ANKIB1: variants seen among roughly 807,000 people sequenced by gnomAD.
The protein encoded by ANKIB1 is ankyrin repeat and IBR domain-containing protein 1.
ANKIB1 carries 43 observed loss-of-function variants against 122.1 expected under a neutral mutation model. The ratio of observed to expected loss-of-function variants is 0.35; its 90% CI spans 0.28 to 0.45. The LOEUF is 0.45. Among genes scored for constraint, ANKIB1 ranks in the 20% least tolerant of loss-of-function variants. ANKIB1 has a pLI of 1.00. For missense variants in ANKIB1, 992 were observed against 1,329.5 expected (o/e 0.75, Z 3.95); for synonymous variants, 390 against 442.0 (o/e 0.88, Z 1.48).
intron 15 of ANKIB1, among the ~76,000 whole-genome samples, chr7:92,390,728 C>T (rs1296401473): frequency 2.0e-5 from 3 of 152,204 alleles, no homozygotes; most frequent in Non-Finnish European, 4.4e-5. Flanking sequence ...CCACACTTGA[C>T]CCCAATCACT....
At chr7:92,275,478 C>G (rs1480085868) in intron 1 of ANKIB1, among the ~76,000 whole-genome samples, 2 of 152,122 alleles carry the variant, frequency 1.3e-5, no homozygotes, top group Non-Finnish European at 2.9e-5. Context: ...GTAACAATGT[C>G]TGGAAAACAC....
intron 17 of ANKIB1, among the ~76,000 whole-genome samples, chr7:92,393,836 G>T (rs894387412): frequency 1.4e-4 from 21 of 152,130 alleles, no homozygotes; most frequent in Non-Finnish European, 2.6e-4. Context: ...TTCAAATTCT[G>T]CATGTGTATG....
intron 10 of ANKIB1, among the ~76,000 whole-genome samples, 188 bp downstream of exon 10, chr7:92,362,461 A>G (rs1446984379): frequency 6.6e-6 from 1 of 152,186 alleles, no homozygotes; most frequent in East Asian, 1.9e-4. Flanking sequence ...GCAAGGAGGA[A>G]TCATGGACAA....
chr7:92,391,195 T>C lies in ANKIB1; in HGVS notation c.2082T>C (p.Leu694=). Residue 694 remains leucine, a synonymous_variant, in exon 16 of 20, where the codon CTT becomes CTC. Transcript: ENST00000265742. ...QTDLEMVTED[L]AQKVNRPYLR... ...ACCTAGAAATGGTCACTGAAGACCT[T>C]GCCCAGAAAGTCAATAGGCCTTACC... The C allele has an allele frequency of 6.2e-7, 1 of 1,612,940 alleles. No individual in the cohort carries two copies. Among genetic ancestry groups the C allele is most frequent in the East Asian group, 2.2e-5 (1 of 44,838 alleles).
At chr7:92,289,896 A>G (rs1009126779) in intron 1 of ANKIB1, among the ~76,000 whole-genome samples, 1 of 152,152 alleles carries the variant, frequency 6.6e-6, no homozygotes, top group African/African-American at 2.4e-5. Flanking sequence ...GGCTCACTGC[A>G]ACTTCCACCT....
chr7:92,344,590 T>C (rs953761015), intron 6 of ANKIB1, among the ~76,000 whole-genome samples: 24 of 152,162 alleles, frequency 1.6e-4, no homozygotes, highest in Non-Finnish European at 2.9e-5. Context: ...GTTACTCTGT[T>C]TTCATAGATT....
In ANKIB1 at chr7:92,399,146, ATTGAATAGC is replaced by A. The variant is rs1444793138; in HGVS notation, c.*200_*208del. On this transcript the variant is annotated 3_prime_UTR_variant, in exon 20 of 20. Transcript: ENST00000265742. ...TTACAGGGAATTTCCTTTGTACTTA[ATTGAATAGC>A]TTTTCCCCTTTTTGCTGACAAAAAG... is the stretch of plus-strand genomic sequence containing the variant. 1 of 475,430 alleles carries A rather than the reference ATTGAATAGC, an allele frequency of 2.1e-6. No individual in the cohort carries two copies. Among genetic ancestry groups the A allele is most frequent in the Non-Finnish European group, 3.4e-6 (1 of 294,216 alleles). The allele number at this position is 475,430 out of a possible 1,614,324, so 29.5% of individuals were successfully genotyped here. A position where few individuals can be genotyped will look rare whatever the true frequency, so the allele number is the denominator to read the frequency against.
intron 10 of ANKIB1, among the ~76,000 whole-genome samples, chr7:92,365,572 G>T (rs1366653112): frequency 6.6e-6 from 1 of 152,022 alleles, no homozygotes; most frequent in Non-Finnish European, 1.5e-5. Context: ...CTGAAAAGGG[G>T]TTTTAAGTAG....
intron 9 of ANKIB1, among the ~76,000 whole-genome samples, chr7:92,355,954 C>G (rs1401381371): frequency 6.6e-6 from 1 of 151,524 alleles, no homozygotes; most frequent in African/African-American, 2.4e-5. Context: ...TGAAACTGTG[C>G]AAAAAAGTCT....
chr7:92,284,891 G>A (rs566055452), intron 1 of ANKIB1, among the ~76,000 whole-genome samples: 67 of 152,294 alleles, frequency 4.4e-4, no homozygotes, highest in African/African-American at 1.5e-3. Context: ...TCCTTCAAGG[G>A]TTTGTGAATT....
chr7:92,369,269 G>A (rs1804175640), intron 10 of ANKIB1, among the ~76,000 whole-genome samples: 1 of 152,178 alleles, frequency 6.6e-6, no homozygotes, highest in African/African-American at 2.4e-5. Context: ...TCTACCAAGT[G>A]TGTTCAGAAC....
chr7:92,254,276 G>C (rs1801389993), intron 1 of ANKIB1, among the ~76,000 whole-genome samples: 1 of 152,178 alleles, frequency 6.6e-6, no homozygotes, highest in East Asian at 1.9e-4. Flanking sequence ...GGTTTGTTCT[G>C]TAGCAGTAGA....
At chr7:92,351,377 A>G (rs1241608835) in intron 8 of ANKIB1, among the ~76,000 whole-genome samples, 1 of 152,172 alleles carries the variant, frequency 6.6e-6, no homozygotes, top group Non-Finnish European at 1.5e-5. Context: ...TGCCCGTTGC[A>G]CTTTAATAAC....
intron 1 of ANKIB1, among the ~76,000 whole-genome samples, chr7:92,260,456 T>C (rs1255153075): frequency 1.3e-5 from 2 of 152,138 alleles, no homozygotes; most frequent in African/African-American, 2.4e-5. Context: ...AGCAGGAGAA[T>C]TCACTTGAGT....
chr7:92,295,850 A>G (rs1802343928), intron 2 of ANKIB1, among the ~76,000 whole-genome samples: 1 of 152,186 alleles, frequency 6.6e-6, no homozygotes, highest in East Asian at 1.9e-4. Flanking sequence ...TACATTTGAT[A>G]TTTACTAGCT....
chr7:92,340,174 T>C (rs1803405971), intron 5 of ANKIB1, among the ~76,000 whole-genome samples: 2 of 152,304 alleles, frequency 1.3e-5, no homozygotes, highest in Admixed American at 6.5e-5. Flanking sequence ...TCCAGCTGTC[T>C]TTCTGCAGCT....
At chr7:92,278,176 A>G (rs1801943330) in intron 1 of ANKIB1, among the ~76,000 whole-genome samples, 2 of 152,088 alleles carry the variant, frequency 1.3e-5, no homozygotes, top group African/African-American at 4.8e-5. Context: ...GCTTGAGCCC[A>G]GGAGTTCAAG....
rs1281503410 is a variant in ANKIB1, at chr7:92,331,688, CCACTCCTGTAAGTGGCATATGT to C, written c.787+3799_787+3820del. Among the ~76,000 whole-genome samples the C allele has an allele frequency of 2.0e-5, 3 of 152,284 alleles. No individual in the cohort carries two copies. The East Asian group carries it at 5.8e-4, about 29-fold the overall frequency. On this transcript the variant is annotated intron_variant, in intron 5 of 19. Transcript: ENST00000265742. ...GAACAATTGTGGAAAGTTTTATGAG[CCACTCCTGTAAGTGGCATATGT>C]CACTCCTGTACGTATTTCATTCATT...
intron 1 of ANKIB1, among the ~76,000 whole-genome samples, chr7:92,291,349 G>A (rs997743596): frequency 6.6e-6 from 1 of 151,834 alleles, no homozygotes; most frequent in Non-Finnish European, 1.5e-5. Context: ...ACAAATGCTT[G>A]AGGTGGTGGA....
Sources: allele counts gnomAD v4.1 joint callset (sites outside exome capture counted in the v4.1 genomes callset), GRCh38; gene constraint gnomAD v4.1.1; transcripts MANE v1.5; gene names NCBI Gene and HGNC (gene_info 2026-07-23, HGNC 2026-07-21).